The following KCNH7 variants were observed in gnomAD, a reference collection of about 807,000 sequenced individuals.
KCNH7 encodes voltage-gated inwardly rectifying potassium channel KCNH7.
Under a neutral mutation model 120.8 loss-of-function variants are expected in KCNH7, and 49 were observed. The ratio of observed to expected loss-of-function variants is 0.41; its 90% confidence interval spans 0.32 to 0.51. The LOEUF is 0.51. KCNH7 is among the 20% of genes least tolerant of loss of function. The pLI is 0.38. For missense variants in KCNH7, 1,097 were observed against 1,446.6 expected (o/e 0.76, Z 3.92); for synonymous variants, 547 against 516.1 (o/e 1.06, Z -0.81).
Position 162,575,233 on chromosome 2 carries a change from A to C in KCNH7, c.308-38153T>G, listed in dbSNP as rs550582407. Among the ~76,000 whole-genome samples the C allele has an allele frequency of 6.6e-5, 10 of 152,130 alleles. No individual in the cohort carries two copies. In the South Asian group the frequency reaches 2.1e-3, roughly 32 times the overall value. Reference sequence around the variant, plus strand: ...ACAGGATCAAATCACATCTGCTGCTAGTTTGACCCTGACCTTGTAGATCAA... The same window carrying C: ...ACAGGATCAAATCACATCTGCTGCTCGTTTGACCCTGACCTTGTAGATCAA... On this transcript the variant is annotated intron_variant, in intron 2 of 15. Coordinates refer to ENST00000332142, the MANE Select transcript of KCNH7 (RefSeq NM_033272.4).
In KCNH7 at chr2:162,531,540, C is replaced by A. The variant is rs190572466; in HGVS notation, c.463+5385G>T. On this transcript the variant is annotated intron_variant, in intron 3 of 15. Transcript: ENST00000332142. ...ACATTAGAAGTGTACTCTCAGGAAT[C>A]ATTCATTAATGATTGCATTTGTTAG... 1.3e-4 allele frequency among the ~76,000 whole-genome samples: 20 copies of A among 152,032 alleles called. No individual in the cohort carries two copies. In the East Asian group the frequency reaches 3.5e-3, roughly 27 times the overall value.
At chr2:162,671,687 T>C (rs956073702) in intron 2 of KCNH7, among the ~76,000 whole-genome samples, 1 of 151,830 alleles carries the variant, frequency 6.6e-6, no homozygotes, top group Non-Finnish European at 1.5e-5. Context: ...GTAACATAAC[T>C]GCATGACATG....
intron 9 of KCNH7, among the ~76,000 whole-genome samples, chr2:162,420,353 G>A (rs2105483930): frequency 6.6e-6 from 1 of 152,282 alleles, no homozygotes; most frequent in African/African-American, 2.4e-5. Context: ...TCTAGGCTGG[G>A]AAATAGAGCA....
intron 2 of KCNH7, among the ~76,000 whole-genome samples, chr2:162,577,378 T>TATCC (rs1559025479): frequency 7.0e-6 from 1 of 143,840 alleles, no homozygotes; most frequent in Non-Finnish European, 1.6e-5. Context: ...TCTATCTATC[T>TATCC]ATCTATCTAT....
At chr2:162,388,976 T>C (rs901148207) in intron 12 of KCNH7, among the ~76,000 whole-genome samples, 5 of 151,998 alleles carry the variant, frequency 3.3e-5, no homozygotes, top group Non-Finnish European at 5.9e-5. Context: ...TTTTCTTCCC[T>C]ACTCTTAGGA....
chr2:162,777,366 T>G (rs561805274), intron 2 of KCNH7, among the ~76,000 whole-genome samples: 1 of 145,972 alleles, frequency 6.9e-6, no homozygotes, highest in Non-Finnish European at 1.5e-5. Flanking sequence ...ATGGTATTGC[T>G]TAGGGAATGA....
intron 2 of KCNH7, among the ~76,000 whole-genome samples, chr2:162,631,702 G>C (rs561380052): frequency 6.6e-6 from 1 of 151,990 alleles, no homozygotes; most frequent in Non-Finnish European, 1.5e-5. Context: ...AAAAGTAACT[G>C]TGAGAAACAA....
chr2:162,714,704 G>A (rs1265844481), intron 2 of KCNH7, among the ~76,000 whole-genome samples: 2 of 152,226 alleles, frequency 1.3e-5, no homozygotes, highest in East Asian at 1.9e-4. Context: ...CATTGGTGTG[G>A]AAAAGCAGTC....
chr2:162,692,556 T>A (rs543185138), intron 2 of KCNH7, among the ~76,000 whole-genome samples: 4 of 152,222 alleles, frequency 2.6e-5, no homozygotes, highest in South Asian at 4.1e-4. Context: ...AGAAACAGAC[T>A]TTCACTGCCG....
chr2:162,569,222 A>T (rs1693374474), intron 2 of KCNH7, among the ~76,000 whole-genome samples: 1 of 151,930 alleles, frequency 6.6e-6, no homozygotes, highest in South Asian at 2.1e-4. Context: ...TTATTGGTCT[A>T]TTCAGAGATT....
intron 2 of KCNH7, among the ~76,000 whole-genome samples, chr2:162,770,846 G>C (rs2105471471): frequency 6.6e-6 from 1 of 152,126 alleles, no homozygotes; most frequent in East Asian, 1.9e-4. Context: ...TATCTCAATT[G>C]CACTGGACCC....
intron 6 of KCNH7, among the ~76,000 whole-genome samples, chr2:162,456,942 G>T (rs1017088953): frequency 6.6e-6 from 1 of 151,026 alleles, no homozygotes; most frequent in African/African-American, 2.4e-5. Flanking sequence ...TTTTCTTCTT[G>T]CAGAAAACTG....
chr2:162,533,926 G>A lies in KCNH7; in HGVS notation c.463+2999C>T, dbSNP rs77872966. Among the ~76,000 whole-genome samples the A allele has an allele frequency of 3.3e-3, 494 of 150,632 alleles. 6 individuals carry two copies. Among genetic ancestry groups the A allele is most frequent in the African/African-American group, 0.011 (458 of 41,182 alleles). ...GAAAATTGATCAAATAATAAACCAC[G>A]GGCAAATTTTAGACAATTACAAAAA... is the stretch of plus-strand genomic sequence containing the variant. On this transcript the variant is annotated intron_variant, in intron 3 of 15. Coordinates refer to ENST00000332142, the MANE Select transcript of KCNH7 (RefSeq NM_033272.4).
chr2:162,647,555 G>A (rs549197513), intron 2 of KCNH7, among the ~76,000 whole-genome samples: 8 of 152,182 alleles, frequency 5.3e-5, no homozygotes, highest in South Asian at 2.1e-4. Flanking sequence ...TAATTGAATC[G>A]CGAAGGTGGT....
chr2:162,759,356 T>C (rs1688893178), intron 2 of KCNH7, among the ~76,000 whole-genome samples: 1 of 151,858 alleles, frequency 6.6e-6, no homozygotes, highest in Admixed American at 6.6e-5. Context: ...ATCATTGGAG[T>C]CTGGGGAGAA....
At chr2:162,553,463 C>T (rs1010382844) in intron 2 of KCNH7, among the ~76,000 whole-genome samples, 4 of 152,104 alleles carry the variant, frequency 2.6e-5, no homozygotes, top group African/African-American at 9.7e-5. Context: ...TCCTGGCTAA[C>T]ATGGTGAAAC....
chr2:162,758,754 T>A (rs145944634), intron 2 of KCNH7, among the ~76,000 whole-genome samples: 7 of 152,262 alleles, frequency 4.6e-5, no homozygotes, highest in African/African-American at 1.7e-4. Context: ...AGGTTTGCAT[T>A]GTCTACTTAA....
chr2:162,744,140 T>C (rs1688230786), intron 2 of KCNH7, among the ~76,000 whole-genome samples: 1 of 152,058 alleles, frequency 6.6e-6, no homozygotes, highest in Non-Finnish European at 1.5e-5. Flanking sequence ...CTTGCAAAAA[T>C]ATCCATTTGT....
chr2:162,600,336 G>GAAGGTGA lies in KCNH7; in HGVS notation c.308-63257_308-63256insTCACCTT, dbSNP rs1694509967. Among the ~76,000 whole-genome samples the GAAGGTGA allele has an allele frequency of 6.6e-5, 10 of 152,200 alleles. No individual in the cohort carries two copies. In the East Asian group the frequency reaches 1.2e-3, roughly 18 times the overall value. On this transcript the variant is annotated intron_variant, in intron 2 of 15. Transcript: ENST00000332142. The stretch of plus-strand genomic sequence containing the variant: ...GCTCCAGGAAGGTGATCACCAATAG[G>GAAGGTGA]TCCAGCATCTTCCTTTAGGGTACTT...
Sources: allele counts gnomAD v4.1 joint callset (sites outside exome capture counted in the v4.1 genomes callset), GRCh38; gene constraint gnomAD v4.1.1; transcripts MANE v1.5; gene names NCBI Gene and HGNC (gene_info 2026-07-23, HGNC 2026-07-21).